ILRUN: variants seen among roughly 807,000 people sequenced by gnomAD.
The protein encoded by ILRUN is protein ILRUN.
Under a neutral mutation model 33.8 loss-of-function variants are expected in ILRUN, and 3 were observed. That is an observed-to-expected ratio of 0.09 (90% CI 0.04 to 0.23). ILRUN has a LOEUF of 0.23. Ranked by LOEUF, ILRUN falls within the 10% of genes least tolerant of loss-of-function variation. The probability of loss-of-function intolerance (pLI) is 1.00; values close to 1 mark genes in which losing one functional copy is unlikely to be tolerated. For synonymous variants in ILRUN, 124 were observed against 138.9 expected (o/e 0.89, Z 0.75); for missense variants, 210 against 375.1 (o/e 0.56, Z 3.64).
intron 3 of ILRUN, among the ~76,000 whole-genome samples, chr6:34,640,581 G>A (rs560416758): frequency 8.6e-5 from 13 of 151,492 alleles, no homozygotes; most frequent in South Asian, 6.3e-4. Flanking sequence ...GTGGTGGCGC[G>A]CACCTGTAGT....
rs1269947337 is a variant in ILRUN at position 34,643,124 on chromosome 6, C to T, written c.511+3477G>A. Among the ~76,000 whole-genome samples, 6 of 151,784 alleles carry T rather than the reference C, an allele frequency of 4.0e-5. No individual in the cohort carries two copies. The South Asian group carries it at 8.3e-4, about 21-fold the overall frequency. On this transcript the variant is annotated intron_variant, in intron 3 of 4. Coordinates refer to ENST00000374023, the MANE Select transcript of ILRUN (RefSeq NM_024294.4). ...CAGCCTGGCCAACATGGTGAAACCC[C>T]GTCTCTACTGAAAATACAAAAACAA...
intron 1 of ILRUN, among the ~76,000 whole-genome samples, chr6:34,688,184 C>A (rs1440267152): frequency 2.6e-5 from 4 of 151,986 alleles, no homozygotes; most frequent in African/African-American, 9.7e-5. Context: ...GCAGGTGGAT[C>A]CCTTAAGCCC....
rs1761640910 is a variant in ILRUN at position 34,606,732 on chromosome 6, T to C, written c.684A>G (p.Lys228=). ...AGTCGAACTCGGAGCCCCCAGGGTC[T>C]TTTAAGTTGTTTTCATCTGATTGTC... ...KNRQSDENNL[K]DPGGSEFDSI... The change falls in exon 4 of 5, where the codon AAA becomes AAG. Residue 228 remains lysine, a synonymous_variant. Transcript: ENST00000374023. The C allele has an allele frequency of 1.9e-6, 3 of 1,614,162 alleles. No individual in the cohort carries two copies. In the Admixed American group the frequency reaches 5.0e-5, roughly 27 times the overall value.
chr6:34,602,119 T>A (rs1761522934), intron 4 of ILRUN, among the ~76,000 whole-genome samples: 1 of 152,196 alleles, frequency 6.6e-6, no homozygotes, highest in South Asian at 2.1e-4. Flanking sequence ...CGAACACTTT[T>A]TTTTTTAAAG....
chr6:34,683,419 C>T (rs1006623919), intron 1 of ILRUN, among the ~76,000 whole-genome samples: 5 of 78,574 alleles, frequency 6.4e-5, no homozygotes, highest in African/African-American at 2.2e-4. Flanking sequence ...TATATATATA[C>T]ATATATATAC....
At chr6:34,638,417 T>C (rs1022357991) in intron 3 of ILRUN, among the ~76,000 whole-genome samples, 3 of 152,170 alleles carry the variant, frequency 2.0e-5, no homozygotes, top group Non-Finnish European at 4.4e-5. Flanking sequence ...ATTTCTCTTA[T>C]CAAAAATGAA....
chr6:34,647,113 G>A (rs1489251249), intron 2 of ILRUN, among the ~76,000 whole-genome samples: 3 of 152,158 alleles, frequency 2.0e-5, no homozygotes, highest in Non-Finnish European at 4.4e-5. Context: ...TAAGAATGAT[G>A]TCCATGAAGA....
At chr6:34,624,812 T>A (rs757124857) in intron 3 of ILRUN, among the ~76,000 whole-genome samples, 2 of 152,202 alleles carry the variant, frequency 1.3e-5, no homozygotes, top group African/African-American at 2.4e-5. Context: ...CTATTTTGGA[T>A]ACAATTATGA....
intron 3 of ILRUN, among the ~76,000 whole-genome samples, chr6:34,641,850 C>G (rs933776734): frequency 2.7e-5 from 4 of 150,616 alleles, no homozygotes. Context: ...TGGGTAAGCA[C>G]AAAATTAAAT....
At chr6:34,602,847 T>C (rs1177369951) in intron 4 of ILRUN, among the ~76,000 whole-genome samples, 2 of 152,170 alleles carry the variant, frequency 1.3e-5, no homozygotes, top group Non-Finnish European at 2.9e-5. Context: ...AGGGCAGGCG[T>C]TCCCCCCAGG....
chr6:34,601,445 T>A (rs1170747331), intron 4 of ILRUN, among the ~76,000 whole-genome samples: 2 of 150,494 alleles, frequency 1.3e-5, no homozygotes, highest in South Asian at 2.1e-4. Context: ...TAGGGTTTCA[T>A]GGCAGTGGGA....
chr6:34,623,108 A>C (rs1195522315), intron 3 of ILRUN, among the ~76,000 whole-genome samples: 1 of 152,224 alleles, frequency 6.6e-6, no homozygotes, highest in East Asian at 1.9e-4. Flanking sequence ...GAGAATTATT[A>C]ATGGGTACAG....
Position 34,683,461 on chromosome 6 carries a change from TACATATATATAC to T in ILRUN, c.158+12973_158+12984del, listed in dbSNP as rs1189769546. Among the ~76,000 whole-genome samples the T allele has an allele frequency of 7.3e-3, 840 of 114,370 alleles. 16 individuals are homozygous for T. The highest frequency in any genetic ancestry group is 0.013 in the Middle Eastern group (3 of 228). The allele number at this position is 114,370 out of a possible 152,430, so 75.0% of individuals were successfully genotyped here. On this transcript the variant is annotated intron_variant, in intron 1 of 4. Transcript: ENST00000374023. The stretch of plus-strand genomic sequence containing the variant: ...ATATACATATATATATACATATATA[TACATATATATAC>T]ACATATATATATACATATATATATA...
chr6:34,635,420 T>G (rs1302424319), intron 3 of ILRUN, among the ~76,000 whole-genome samples: 1 of 151,710 alleles, frequency 6.6e-6, no homozygotes, highest in Non-Finnish European at 1.5e-5. Context: ...CCCAGCTACT[T>G]GAGAGGTTGA....
chr6:34,652,951 G>A (rs546909014), intron 2 of ILRUN, among the ~76,000 whole-genome samples: 3 of 151,776 alleles, frequency 2.0e-5, no homozygotes, highest in South Asian at 4.2e-4. Flanking sequence ...AGCCCAGCCC[G>A]AGCAACACAA....
At chr6:34,621,807 G>A (rs1220424046) in intron 3 of ILRUN, among the ~76,000 whole-genome samples, 1 of 151,898 alleles carries the variant, frequency 6.6e-6, no homozygotes. Context: ...AGGTTGCAGT[G>A]AGCCAAGATC....
At position 34,646,474 on chromosome 6, in the gene ILRUN, A is replaced by AT; in HGVS notation, c.511+126dup. 1.3e-6 allele frequency: 1 copy of AT among 763,014 alleles called. No homozygotes were observed. Among genetic ancestry groups the AT allele is most frequent in the Non-Finnish European group, 2.1e-6 (1 of 470,972 alleles). The allele number at this position is 763,014 out of a possible 1,614,324, so 47.3% of individuals were successfully genotyped here. A position where few individuals can be genotyped will look rare whatever the true frequency, so the allele number is the denominator to read the frequency against. On this transcript the variant is annotated intron_variant, in intron 3 of 4. Transcript: ENST00000374023. The surrounding 1 kb of genome is among the most constrained non-coding windows in gnomAD (Gnocchi z 4.9). ...CATAAAATGCAAATCATTTACCTGCATGAGGTGACTGTTAAAAAGAGGCCA... is the reference window on the plus strand; with the variant it reads ...CATAAAATGCAAATCATTTACCTGCATTGAGGTGACTGTTAAAAAGAGGCCA...
intron 3 of ILRUN, among the ~76,000 whole-genome samples, chr6:34,643,086 A>G (rs761119972): frequency 6.6e-6 from 1 of 152,076 alleles, no homozygotes; most frequent in South Asian, 2.1e-4. Context: ...ACCTGAGGTC[A>G]GGAGTTCAAG....
chr6:34,655,782 G>A (rs1323039655), intron 1 of ILRUN, among the ~76,000 whole-genome samples: 5 of 152,108 alleles, frequency 3.3e-5, no homozygotes, highest in Middle Eastern at 3.4e-3. Context: ...AAAGTTGTAC[G>A]CTAATGGTCC....
Sources: allele counts gnomAD v4.1 joint callset (sites outside exome capture counted in the v4.1 genomes callset), GRCh38; gene constraint gnomAD v4.1.1; non-coding constraint Gnocchi (gnomAD v3.1); transcripts MANE v1.5; gene names NCBI Gene and HGNC (gene_info 2026-07-23, HGNC 2026-07-21).